PRELID2: variants seen among roughly 807,000 people sequenced by gnomAD.
The protein encoded by PRELID2 is PRELI domain-containing protein 2.
In PRELID2, 25 loss-of-function variants were observed where a neutral mutation model predicts 28.4. That is an observed-to-expected ratio of 0.88 (90% CI 0.64 to 1.23). The LOEUF (loss-of-function observed/expected upper bound fraction) is 1.23. Among genes scored for constraint, PRELID2 ranks in the 50% most tolerant of loss-of-function variants. The probability of loss-of-function intolerance (pLI) is 0.00; values close to 1 mark genes in which losing one functional copy is unlikely to be tolerated. For missense variants in PRELID2, 201 were observed against 214.4 expected (o/e 0.94, Z 0.39); for synonymous variants, 76 against 71.6 (o/e 1.06, Z -0.31).
chr5:145,500,586 A>C (rs1366266066), intron 1 of PRELID2, among the ~76,000 whole-genome samples: 1 of 152,180 alleles, frequency 6.6e-6, no homozygotes, highest in African/African-American at 2.4e-5. Context: ...CCACAGAACT[A>C]TGGAGAGCTT....
chr5:145,259,804 C>A, the PRELID2 span, among the ~76,000 whole-genome samples: 47 of 152,164 alleles, frequency 3.1e-4, no homozygotes, highest in Non-Finnish European at 2.9e-4. Flanking sequence ...ATGGGGAAGG[C>A]ATGATTGCAT....
intron 1 of PRELID2, among the ~76,000 whole-genome samples, chr5:145,576,179 T>C (rs1753058843): frequency 6.6e-6 from 1 of 152,164 alleles, no homozygotes; most frequent in South Asian, 2.1e-4. Flanking sequence ...TATTTTTTGG[T>C]ACATTCACAG....
intron 6 of PRELID2, among the ~76,000 whole-genome samples, chr5:145,764,242 G>T (rs1757615145): frequency 6.6e-6 from 1 of 152,150 alleles, no homozygotes; most frequent in South Asian, 2.1e-4. Flanking sequence ...CCAGACAATA[G>T]AAATTTAGGA....
At chr5:145,798,390 G>A (rs1376140010) in intron 4 of PRELID2, among the ~76,000 whole-genome samples, 1 of 152,104 alleles carries the variant, frequency 6.6e-6, no homozygotes, top group Admixed American at 6.6e-5. Flanking sequence ...AAAGCTCAAT[G>A]AACTTCAACT....
chr5:145,394,394 G>A, the PRELID2 span, among the ~76,000 whole-genome samples: 1 of 148,056 alleles, frequency 6.8e-6, no homozygotes, highest in Non-Finnish European at 1.5e-5. Context: ...GAGAACACAT[G>A]GACACAGGAG....
intron 5 of PRELID2, among the ~76,000 whole-genome samples, chr5:145,782,315 G>A (rs765942718): frequency 2.6e-5 from 4 of 152,208 alleles, no homozygotes; most frequent in African/African-American, 9.7e-5. Context: ...AGACCACCTG[G>A]ATTCAAATTC....
In PRELID2 at chr5:145,741,962, A is replaced by T. The variant is rs1292500020; in HGVS notation, n.70+22969T>A. Among the ~76,000 whole-genome samples, 6 of 73,448 alleles carry T rather than the reference A, an allele frequency of 8.2e-5. 1 individual carries two copies. Among genetic ancestry groups the T allele is most frequent in the African/African-American group, 2.5e-4 (5 of 20,352 alleles). The allele number at this position is 73,448 out of a possible 152,430, so 48.2% of individuals were successfully genotyped here. A position where few individuals can be genotyped will look rare whatever the true frequency, so the allele number is the denominator to read the frequency against. On this transcript the variant is annotated intron_variant and non_coding_transcript_variant, in intron 1 of 2. Coordinates refer to the PRELID2 transcript ENST00000510259. Reference sequence around the variant, plus strand: ...AAATAAATAAATTTATTATAATTAAATAAATAAATTTATTTAATTATAATA... The same window carrying T: ...AAATAAATAAATTTATTATAATTAATTAAATAAATTTATTTAATTATAATA...
chr5:145,418,050 C>T, the PRELID2 span, among the ~76,000 whole-genome samples: 1 of 152,172 alleles, frequency 6.6e-6, no homozygotes, highest in Non-Finnish European at 1.5e-5. Flanking sequence ...AGCAAAGTCT[C>T]AGGACATAAA....
At chr5:145,490,150 T>G (rs1356121109) in intron 1 of PRELID2, among the ~76,000 whole-genome samples, 1 of 152,236 alleles carries the variant, frequency 6.6e-6, no homozygotes. Flanking sequence ...ATGATTTGAT[T>G]GATAAATCAG....
intron 1 of PRELID2, among the ~76,000 whole-genome samples, chr5:145,610,697 G>A (rs977877953): frequency 2.0e-5 from 3 of 152,060 alleles, no homozygotes; most frequent in Non-Finnish European, 2.9e-5. Flanking sequence ...TGAGTGGCAG[G>A]TGTAGAAAAA....
chr5:145,498,870 AC>A (rs1384718225), intron 1 of PRELID2, among the ~76,000 whole-genome samples: 2 of 151,844 alleles, frequency 1.3e-5, no homozygotes, highest in East Asian at 1.9e-4. Flanking sequence ...GAGCCACCAC[AC>A]CCGGCCTGAG....
At chr5:145,278,325 C>T in the PRELID2 span, among the ~76,000 whole-genome samples, 1 of 152,156 alleles carries the variant, frequency 6.6e-6, no homozygotes, top group African/African-American at 2.4e-5. Flanking sequence ...TATCAGTAGT[C>T]CAAGCACAGC....
At chr5:145,823,767 A>C (rs887404995) in intron 1 of PRELID2, among the ~76,000 whole-genome samples, 1 of 152,242 alleles carries the variant, frequency 6.6e-6, no homozygotes. Flanking sequence ...AATATTTAAC[A>C]TGTTAATTTA....
chr5:145,728,491 C>T, intron 1 of PRELID2: 1 of 680,570 alleles, frequency 1.5e-6, no homozygotes, highest in South Asian at 1.6e-5. Flanking sequence ...TCTCCCCTCC[C>T]AAAGCAGGAA....
At chr5:145,383,635 A>C in the PRELID2 span, among the ~76,000 whole-genome samples, 5 of 151,458 alleles carry the variant, frequency 3.3e-5, no homozygotes, top group Non-Finnish European at 7.4e-5. Flanking sequence ...AAAAAAAAAA[A>C]CCTCAACTTT....
the PRELID2 span, among the ~76,000 whole-genome samples, chr5:145,267,191 G>A: frequency 6.6e-6 from 1 of 152,106 alleles, no homozygotes; most frequent in Non-Finnish European, 1.5e-5. Flanking sequence ...TGTAGGCTAG[G>A]AGGATAGGGC....
intron 1 of PRELID2, among the ~76,000 whole-genome samples, chr5:145,497,071 A>C (rs1316671936): frequency 2.6e-5 from 4 of 151,468 alleles, no homozygotes; most frequent in African/African-American, 9.7e-5. Flanking sequence ...GCTACATTGC[A>C]CAGGCTGGTC....
intron 1 of PRELID2, among the ~76,000 whole-genome samples, chr5:145,553,748 T>C (rs1265079380): frequency 6.6e-6 from 1 of 152,170 alleles, no homozygotes; most frequent in African/African-American, 2.4e-5. Flanking sequence ...ACATCAAAGG[T>C]TTTAAATAGA....
chr5:145,378,460 T>C, the PRELID2 span, among the ~76,000 whole-genome samples: 3 of 152,160 alleles, frequency 2.0e-5, no homozygotes, highest in African/African-American at 7.2e-5. Context: ...TAATCCCACA[T>C]TTCTCAGAGG....
Sources: allele counts gnomAD v4.1 joint callset (sites outside exome capture counted in the v4.1 genomes callset), GRCh38; gene constraint gnomAD v4.1.1; transcripts MANE v1.5; gene names NCBI Gene and HGNC (gene_info 2026-07-23, HGNC 2026-07-21).